SLC10A7: variants seen among roughly 807,000 people sequenced by gnomAD.
SLC10A7 encodes the protein sodium/bile acid cotransporter 7.
A neutral mutation model predicts 43.2 loss-of-function variants in SLC10A7; 29 were observed. That is an observed-to-expected ratio of 0.67 (90% CI 0.50 to 0.92). SLC10A7 has a LOEUF of 0.92. Ranked by LOEUF, SLC10A7 falls within the 40% of genes least tolerant of loss-of-function variation. The pLI is 0.00. For missense variants in SLC10A7, 295 were observed against 403.2 expected (o/e 0.73, Z 2.30); for synonymous variants, 152 against 144.8 (o/e 1.05, Z -0.35).
chr4:146,508,793 T>C (rs1319221706), intron 3 of SLC10A7, among the ~76,000 whole-genome samples: 1 of 152,206 alleles, frequency 6.6e-6, no homozygotes, highest in East Asian at 1.9e-4. Context: ...TTTGCAAACA[T>C]AAATCAGACC....
At chr4:146,303,940 C>A (rs1183550497) in intron 7 of SLC10A7, among the ~76,000 whole-genome samples, 2 of 151,302 alleles carry the variant, frequency 1.3e-5, no homozygotes, top group Non-Finnish European at 2.9e-5. Context: ...AGTAACACTG[C>A]AAATAAAAGG....
chr4:146,366,216 A>C (rs1357061759), intron 5 of SLC10A7, among the ~76,000 whole-genome samples: 1 of 152,214 alleles, frequency 6.6e-6, no homozygotes, highest in Non-Finnish European at 1.5e-5. Context: ...TCTCTTATCC[A>C]AAAATCCTGA....
At chr4:146,439,942 A>C (rs1730470551) in intron 5 of SLC10A7, among the ~76,000 whole-genome samples, 1 of 152,208 alleles carries the variant, frequency 6.6e-6, no homozygotes, top group Admixed American at 6.5e-5. Flanking sequence ...CACTCCTCTA[A>C]AATAAATCTT....
At chr4:146,394,145 C>T (rs1738643412) in intron 5 of SLC10A7, among the ~76,000 whole-genome samples, 1 of 152,110 alleles carries the variant, frequency 6.6e-6, no homozygotes, top group Admixed American at 6.5e-5. Context: ...AGGCCAATAT[C>T]ACCGACTCTG....
chr4:146,494,406 T>C (rs967053345), intron 4 of SLC10A7, among the ~76,000 whole-genome samples: 3 of 152,200 alleles, frequency 2.0e-5, no homozygotes, highest in Admixed American at 6.5e-5. Context: ...AGATCAGGAC[T>C]GGCCCTAACG....
At chr4:146,290,139 A>G (rs1209415164) in intron 9 of SLC10A7, among the ~76,000 whole-genome samples, 1 of 150,946 alleles carries the variant, frequency 6.6e-6, no homozygotes, top group East Asian at 2.0e-4. Flanking sequence ...CCTGGCTAAC[A>G]TGCTGAAACC....
At chr4:146,395,072 T>C (rs1164075621) in intron 5 of SLC10A7, among the ~76,000 whole-genome samples, 2 of 152,222 alleles carry the variant, frequency 1.3e-5, no homozygotes, top group Middle Eastern at 3.4e-3. Flanking sequence ...TGCTTCTCTA[T>C]TAAAATGCAG....
At chr4:146,473,451 C>T (rs1345196619) in intron 4 of SLC10A7, among the ~76,000 whole-genome samples, 1 of 152,010 alleles carries the variant, frequency 6.6e-6, no homozygotes, top group Non-Finnish European at 1.5e-5. Flanking sequence ...GGGTATATTC[C>T]ACTGAAAATT....
intron 5 of SLC10A7, among the ~76,000 whole-genome samples, chr4:146,362,288 C>T (rs1478678639): frequency 1.3e-5 from 2 of 151,822 alleles, no homozygotes; most frequent in Non-Finnish European, 2.9e-5. Context: ...TAAGACTACT[C>T]CAAGACATAT....
chr4:146,284,047 GT>G (rs1425561576), intron 9 of SLC10A7, among the ~76,000 whole-genome samples: 2 of 152,044 alleles, frequency 1.3e-5, no homozygotes, highest in African/African-American at 4.8e-5. Context: ...GGAATTGGAT[GT>G]CATAATCAGA....
At chr4:146,467,562 C>CTTTTTTTTTTT (rs397995707) in intron 4 of SLC10A7, among the ~76,000 whole-genome samples, 2 of 92,832 alleles carry the variant, frequency 2.2e-5, no homozygotes, top group African/African-American at 4.2e-5. Flanking sequence ...TTCTTTCTCT[C>CTTTTTTTTTTT]TTTTTTTTTT....
In SLC10A7 at chr4:146,354,693, T is replaced by C. The variant is rs540545576; in HGVS notation, c.436-28697A>G. ...ATGGTACTGTACCAAAACAGAGATA[T>C]AGATCAATGGAACAGAACAGAGCCC... On this transcript the variant is annotated intron_variant, in intron 5 of 11. Transcript: ENST00000335472. Among the ~76,000 whole-genome samples, 1,198 of 151,358 alleles carry C rather than the reference T, an allele frequency of 7.9e-3. 39 individuals are homozygous for C. The highest frequency in any genetic ancestry group is 0.028 in the African/African-American group (1,125 of 40,840).
At chr4:146,409,334 CAA>C (rs377385983) in intron 5 of SLC10A7, among the ~76,000 whole-genome samples, 10 of 136,452 alleles carry the variant, frequency 7.3e-5, no homozygotes, top group Admixed American at 2.2e-4. Flanking sequence ...TATGGCACAT[CAA>C]AAAAAAAAAA....
chr4:146,375,942 A>G (rs1560848346), intron 5 of SLC10A7, among the ~76,000 whole-genome samples: 1 of 152,206 alleles, frequency 6.6e-6, no homozygotes, highest in Non-Finnish European at 1.5e-5. Context: ...ATGACAGACC[A>G]GTGATAAGTT....
chr4:146,444,330 C>G (rs928178039), intron 4 of SLC10A7, among the ~76,000 whole-genome samples: 4 of 152,134 alleles, frequency 2.6e-5, no homozygotes, highest in Non-Finnish European at 5.9e-5. Context: ...CCCCTTTGAG[C>G]CTGTCTCTTC....
At chr4:146,274,513 C>T (rs1729088959) in intron 10 of SLC10A7, among the ~76,000 whole-genome samples, 2 of 152,006 alleles carry the variant, frequency 1.3e-5, no homozygotes, top group Admixed American at 1.3e-4. Context: ...CTAGATTATA[C>T]CTTATATTAA....
chr4:146,447,106 C>A (rs1308218349), intron 4 of SLC10A7, among the ~76,000 whole-genome samples: 2 of 152,098 alleles, frequency 1.3e-5, no homozygotes, highest in African/African-American at 4.8e-5. Flanking sequence ...AAAACAGTAT[C>A]TTGCTTTACT....
At chr4:146,446,740 T>TTATC (rs150949685) in intron 4 of SLC10A7, among the ~76,000 whole-genome samples, 7,847 of 143,744 alleles carry the variant, frequency 0.055, 235 homozygotes, top group East Asian at 0.061. Flanking sequence ...GTGAGAAGGT[T>TTATC]TATCTATCTA....
In SLC10A7 at chr4:146,517,077, T is replaced by C. The variant is rs753797113; in HGVS notation, c.144A>G (p.Ala48=). 6.2e-7 allele frequency: 1 copy of C among 1,611,040 alleles called. No homozygotes were observed. Among genetic ancestry groups the C allele is most frequent in the Non-Finnish European group, 8.5e-7 (1 of 1,177,852 alleles). The part of the protein sequence containing the change: ...PEITVSYIAV[A]TIFFNSGLSL... ...ATAGTCCACTGTTAAAGAATATTGT[T>C]GCAACAGCAATGTAGGATACAGTTA... The change falls in exon 2 of 12, where the codon GCA becomes GCG. Residue 48 remains alanine (A), a synonymous_variant. Transcript: ENST00000335472.
Sources: allele counts gnomAD v4.1 joint callset (sites outside exome capture counted in the v4.1 genomes callset), GRCh38; gene constraint gnomAD v4.1.1; transcripts MANE v1.5; gene names NCBI Gene and HGNC (gene_info 2026-07-23, HGNC 2026-07-21).